The following EIF3H variants were observed in gnomAD, a reference collection of about 807,000 sequenced individuals.
The protein encoded by EIF3H is eIF-3-gamma.
Under a neutral mutation model 44.2 loss-of-function variants are expected in EIF3H, and 26 were observed. The observed-to-expected ratio is 0.59, with a 90% CI of 0.43 to 0.82. EIF3H has a LOEUF of 0.82. Ranked by LOEUF, EIF3H falls within the 40% of genes least tolerant of loss-of-function variation. The probability of loss-of-function intolerance (pLI) is 0.00; values close to 1 mark genes in which losing one functional copy is unlikely to be tolerated. For synonymous variants in EIF3H, 166 were observed against 151.9 expected (o/e 1.09, Z -0.68); for missense variants, 359 against 432.8 (o/e 0.83, Z 1.51).
chr8:116,754,750 T>A (rs1815412391), intron 1 of EIF3H, among the ~76,000 whole-genome samples: 1 of 152,264 alleles, frequency 6.6e-6, no homozygotes, highest in South Asian at 2.1e-4. Flanking sequence ...TGTATCCAGT[T>A]TAACTAAGTC....
chr8:116,741,717 A>G (rs1482127057), intron 1 of EIF3H, among the ~76,000 whole-genome samples: 2 of 152,218 alleles, frequency 1.3e-5, no homozygotes, highest in Non-Finnish European at 2.9e-5. Context: ...GAAGATTTTT[A>G]TTCTCAAAGA....
intron 2 of EIF3H, among the ~76,000 whole-genome samples, chr8:116,688,462 T>C (rs1270485117): frequency 6.6e-6 from 1 of 151,886 alleles, no homozygotes; most frequent in Non-Finnish European, 1.5e-5. Context: ...CTACAGAAAA[T>C]GAACCCACAA....
In EIF3H at chr8:116,646,729, G is replaced by T. The variant is rs181498922; in HGVS notation, c.829-126C>A. The T allele has an allele frequency of 7.9e-4, 1,037 of 1,306,798 alleles. 9 individuals are homozygous for T. The East Asian group carries it at 0.017, about 21-fold the overall frequency. The allele number at this position is 1,306,798 out of a possible 1,614,324, so 81.0% of individuals were successfully genotyped here. A position where few individuals can be genotyped will look rare whatever the true frequency, so the allele number is the denominator to read the frequency against. On this transcript the variant is annotated intron_variant, in intron 6 of 7. Transcript: ENST00000521861. ...ATTCCAACCTCAGTTTTTATCATTGGCAACATTTGGTAACTTGCGTCTAAG... is the reference window on the plus strand; with the variant it reads ...ATTCCAACCTCAGTTTTTATCATTGTCAACATTTGGTAACTTGCGTCTAAG...
At chr8:116,723,353 G>A (rs4129066) in intron 2 of EIF3H, among the ~76,000 whole-genome samples, 67,351 of 151,988 alleles carry the variant, frequency 0.44, 18,772 homozygotes, top group Non-Finnish European at 0.62. Flanking sequence ...AATACTGCCA[G>A]AAAGAACTAC....
At chr8:116,716,084 G>C (rs1202853247) in intron 2 of EIF3H, among the ~76,000 whole-genome samples, 1 of 152,000 alleles carries the variant, frequency 6.6e-6, no homozygotes, top group African/African-American at 2.4e-5. Flanking sequence ...CAGTTTTCTA[G>C]GTTTTGAATC....
intron 2 of EIF3H, chr8:116,697,331 T>C (rs1423970684): frequency 7.7e-6 from 3 of 391,306 alleles, no homozygotes; most frequent in Non-Finnish European, 1.5e-5. Context: ...CTTGCAAACA[T>C]ATGGGATACT....
intron 1 of EIF3H, among the ~76,000 whole-genome samples, chr8:116,740,699 T>A (rs953930825): frequency 1.3e-5 from 2 of 151,968 alleles, no homozygotes; most frequent in Non-Finnish European, 2.9e-5. Flanking sequence ...AAGAAAAAAA[T>A]TTTAGTAAAA....
intron 2 of EIF3H, among the ~76,000 whole-genome samples, chr8:116,704,960 C>T (rs372770323): frequency 4.5e-4 from 68 of 152,236 alleles, no homozygotes; most frequent in African/African-American, 1.5e-3. Flanking sequence ...CTAGAGAGTT[C>T]CTCTGTACAA....
At chr8:116,686,900 C>A (rs139932405) in intron 2 of EIF3H, among the ~76,000 whole-genome samples, 4 of 152,138 alleles carry the variant, frequency 2.6e-5, no homozygotes, top group African/African-American at 9.6e-5. Flanking sequence ...CAATCTTATA[C>A]TATATATAGG....
intron 1 of EIF3H, among the ~76,000 whole-genome samples, chr8:116,754,281 T>TA (rs1475913602): frequency 6.6e-6 from 1 of 152,060 alleles, no homozygotes; most frequent in Non-Finnish European, 1.5e-5. Context: ...GCCCGGCTAA[T>TA]TTTGTGTTTT....
At position 116,720,225 on chromosome 8, in the gene EIF3H, T is replaced by C. The variant is rs995746511; in HGVS notation, c.289+5791A>G. Among the ~76,000 whole-genome samples the C allele has an allele frequency of 5.3e-5, 8 of 152,336 alleles. No homozygotes were observed. In the South Asian group the frequency reaches 1.5e-3, roughly 28 times the overall value. ...TTAAAATATATTTTAATATTTACAA[T>C]TGTTTGATTTAAATTTAAAATTTTT... On this transcript the variant is annotated intron_variant, in intron 2 of 7. Coordinates refer to ENST00000521861, the MANE Select transcript of EIF3H (RefSeq NM_003756.3).
At chr8:116,660,198 A>G (rs1309308824) in intron 2 of EIF3H, among the ~76,000 whole-genome samples, 1 of 152,090 alleles carries the variant, frequency 6.6e-6, no homozygotes, top group Non-Finnish European at 1.5e-5. Flanking sequence ...GCCCCAAACT[A>G]TTTCTATTAT....
intron 2 of EIF3H, among the ~76,000 whole-genome samples, chr8:116,722,892 T>C (rs1433042458): frequency 6.6e-6 from 1 of 152,220 alleles, no homozygotes; most frequent in East Asian, 1.9e-4. Context: ...AAATAAACAT[T>C]CTTTTAAAAC....
At chr8:116,754,076 G>A (rs541223372) in intron 1 of EIF3H, among the ~76,000 whole-genome samples, 1 of 151,788 alleles carries the variant, frequency 6.6e-6, no homozygotes, top group Admixed American at 6.5e-5. Context: ...ATGAGCCAGG[G>A]AAAGCCACAG....
chr8:116,722,587 T>C (rs1439577764), intron 2 of EIF3H, among the ~76,000 whole-genome samples: 6 of 152,186 alleles, frequency 3.9e-5, no homozygotes, highest in African/African-American at 9.7e-5. Flanking sequence ...TATCAGTATG[T>C]AGTATTATAT....
At chr8:116,662,834 T>C (rs566676587) in intron 2 of EIF3H, among the ~76,000 whole-genome samples, 36 of 152,310 alleles carry the variant, frequency 2.4e-4, no homozygotes, top group Admixed American at 2.1e-3. Flanking sequence ...GGAACAATCG[T>C]GAAATTATGG....
At chr8:116,670,017 G>A (rs894620118) in intron 2 of EIF3H, among the ~76,000 whole-genome samples, 2 of 152,134 alleles carry the variant, frequency 1.3e-5, no homozygotes, top group South Asian at 2.1e-4. Context: ...CGACAAATCT[G>A]AGGTTAGGAA....
At chr8:116,673,932 T>C (rs1813798762) in intron 2 of EIF3H, among the ~76,000 whole-genome samples, 1 of 151,384 alleles carries the variant, frequency 6.6e-6, no homozygotes, top group South Asian at 2.1e-4. Flanking sequence ...TAGCTGGGCG[T>C]GGTGGTGGGC....
chr8:116,763,670 T>C (rs966183236), intron 1 of EIF3H, among the ~76,000 whole-genome samples: 8 of 152,210 alleles, frequency 5.3e-5, no homozygotes, highest in African/African-American at 1.9e-4. Context: ...AATTATTTAT[T>C]TAGGCAGTAT....
Sources: allele counts gnomAD v4.1 joint callset (sites outside exome capture counted in the v4.1 genomes callset), GRCh38; gene constraint gnomAD v4.1.1; transcripts MANE v1.5; gene names NCBI Gene and HGNC (gene_info 2026-07-23, HGNC 2026-07-21).